The following RALGAPA1 variants were observed in gnomAD, a reference collection of about 807,000 sequenced individuals.
RALGAPA1 encodes Ral GTPase activating protein catalytic subunit alpha 1, also known as ral GTPase-activating protein subunit alpha-1.
Under a neutral mutation model 269.6 loss-of-function variants are expected in RALGAPA1, and 52 were observed. The observed-to-expected ratio is 0.19, with a 90% confidence interval of 0.15 to 0.24. The LOEUF (loss-of-function observed/expected upper bound fraction) is 0.24. Among genes scored for constraint, RALGAPA1 ranks in the 10% least tolerant of loss-of-function variants. The pLI is 1.00. For synonymous variants in RALGAPA1, 817 were observed against 1,008.3 expected (o/e 0.81, Z 3.60); for missense variants, 1,917 against 3,013.9 (o/e 0.64, Z 8.52).
chr14:35,718,829 TA>T (rs927515460), intron 16 of RALGAPA1, among the ~76,000 whole-genome samples: 9 of 147,374 alleles, frequency 6.1e-5, no homozygotes, highest in Non-Finnish European at 5.9e-5. Flanking sequence ...TAAATAACTA[TA>T]AAAAAATGGA....
At chr14:35,651,349 T>G (rs996356240) in intron 31 of RALGAPA1, among the ~76,000 whole-genome samples, 14 of 152,320 alleles carry the variant, frequency 9.2e-5, no homozygotes, top group African/African-American at 3.4e-4. Flanking sequence ...AGAACCCTCA[T>G]AATGAATTTA....
chr14:35,548,398 G>A, intron 41 of RALGAPA1, 110 bp downstream of exon 41: 2 of 681,804 alleles, frequency 2.9e-6, no homozygotes, highest in Non-Finnish European at 4.7e-6. Flanking sequence ...GTATGAACCG[G>A]ACAGTGTTAA....
intron 1 of RALGAPA1, among the ~76,000 whole-genome samples, chr14:35,784,160 T>G (rs2075645497): frequency 6.6e-6 from 1 of 151,476 alleles, no homozygotes; most frequent in Admixed American, 6.6e-5. Flanking sequence ...AGAAAATGTA[T>G]GCCCACACAA....
At chr14:35,611,367 T>A (rs542896908) in intron 35 of RALGAPA1, among the ~76,000 whole-genome samples, 1 of 152,212 alleles carries the variant, frequency 6.6e-6, no homozygotes, top group East Asian at 1.9e-4. Flanking sequence ...CTGGGTGTGG[T>A]TGCGTGCGCT....
intron 36 of RALGAPA1, among the ~76,000 whole-genome samples, chr14:35,603,890 C>A (rs768587954): frequency 6.6e-6 from 1 of 151,786 alleles, no homozygotes; most frequent in Non-Finnish European, 1.5e-5. Flanking sequence ...CTAATGAATA[C>A]GAAACATATA....
intron 1 of RALGAPA1, among the ~76,000 whole-genome samples, chr14:35,776,424 T>C (rs1027589193): frequency 3.3e-5 from 5 of 151,764 alleles, no homozygotes; most frequent in Non-Finnish European, 1.5e-5. Flanking sequence ...GTCTGAAATA[T>C]ATTTATTCTG....
intron 21 of RALGAPA1, among the ~76,000 whole-genome samples, chr14:35,679,243 T>A (rs967524780): frequency 5.3e-5 from 8 of 152,192 alleles, no homozygotes; most frequent in Non-Finnish European, 8.8e-5. Flanking sequence ...CAGAAAAATA[T>A]CAATATTCTG....
intron 39 of RALGAPA1, among the ~76,000 whole-genome samples, chr14:35,562,882 G>A (rs929098339): frequency 4.6e-5 from 7 of 151,708 alleles, no homozygotes; most frequent in African/African-American, 1.2e-4. Context: ...TTAGCTGGGC[G>A]TGGTGGCATG....
At chr14:35,539,742 G>A in intron 41 of RALGAPA1, 52 bp from the exon 42 acceptor site, 4 of 1,596,302 alleles carry the variant, frequency 2.5e-6, no homozygotes, top group Non-Finnish European at 3.4e-6. Flanking sequence ...CTCATCCCCT[G>A]AGAAATAATC....
At chr14:35,765,053 T>C (rs2074034376) in intron 4 of RALGAPA1, among the ~76,000 whole-genome samples, 1 of 152,166 alleles carries the variant, frequency 6.6e-6, no homozygotes, top group Admixed American at 6.5e-5. Context: ...TTTTCACAAA[T>C]GGAAAACCAA....
intron 16 of RALGAPA1, among the ~76,000 whole-genome samples, chr14:35,716,869 G>T (rs1377560195): frequency 1.3e-5 from 2 of 152,052 alleles, no homozygotes; most frequent in Non-Finnish European, 2.9e-5. Flanking sequence ...TAGAAGTTAG[G>T]TATATAGGCT....
chr14:35,601,514 T>A (rs1283262366), intron 36 of RALGAPA1, among the ~76,000 whole-genome samples: 1 of 152,192 alleles, frequency 6.6e-6, no homozygotes, highest in Non-Finnish European at 1.5e-5. Context: ...GCAGTTATTA[T>A]CTAAATGTTT....
At chr14:35,633,022 G>C (rs543347833) in intron 33 of RALGAPA1, among the ~76,000 whole-genome samples, 106 of 152,302 alleles carry the variant, frequency 7.0e-4, no homozygotes, top group South Asian at 2.1e-3. Context: ...TACGTTTAGA[G>C]AAGGGTACTG....
chr14:35,612,768 G>A (rs1179681934), intron 35 of RALGAPA1, among the ~76,000 whole-genome samples: 2 of 152,142 alleles, frequency 1.3e-5, no homozygotes, highest in East Asian at 3.9e-4. Flanking sequence ...TCGATCTCCT[G>A]ACCTCGTGAT....
rs1315537379 is a variant in RALGAPA1, at chr14:35,673,151, ACTAAAATT to A, written c.4918-137_4918-130del. 28 of 1,023,490 alleles carry A rather than the reference ACTAAAATT, an allele frequency of 2.7e-5. No homozygotes were observed. In the Admixed American group the frequency reaches 1.2e-3, roughly 44 times the overall value. The allele number at this position is 1,023,490 out of a possible 1,614,324, so 63.4% of individuals were successfully genotyped here. ...CATGTTGGCCCAATTTCTTTAATGA[ACTAAAATT>A]CAGGATTAGTGAAATTATCATCATC... is the stretch of plus-strand genomic sequence containing the variant. On this transcript the variant is annotated intron_variant, in intron 24 of 41. Transcript: ENST00000680220.
chr14:35,706,375 G>C (rs1413133422), intron 16 of RALGAPA1, among the ~76,000 whole-genome samples: 2 of 152,132 alleles, frequency 1.3e-5, no homozygotes, highest in Non-Finnish European at 2.9e-5. Flanking sequence ...ACAGCACCAT[G>C]TTGAAAAGAC....
At chr14:35,644,390 C>A (rs76071183) in intron 31 of RALGAPA1, among the ~76,000 whole-genome samples, 10,525 of 152,064 alleles carry the variant, frequency 0.069, 560 homozygotes, top group African/African-American at 0.15. Flanking sequence ...AAAATTAAAA[C>A]AACAGAGATG....
rs2065801937 is a variant in RALGAPA1 at position 35,685,118 on chromosome 14, C to T, written c.4105G>A (p.Gly1369Ser). 6.4e-7 allele frequency: 1 copy of T among 1,565,952 alleles called. No homozygotes were observed. The highest frequency in any genetic ancestry group is 1.2e-5 in the South Asian group (1 of 85,348). ...STMTRRGSSP[G>S]SLEIPKDLPD... ...AGGTCTTTGGGAATTTCCAGGCTGC[C>T]TGGACTACTTCCTCTTCTTGTCATA... The change falls in exon 20 of 42, where the codon GGC becomes AGC. Residue 1369 changes from glycine (G) to serine (S), a missense_variant. Transcript: ENST00000680220.
At chr14:35,584,560 C>T (rs929980488) in intron 37 of RALGAPA1, among the ~76,000 whole-genome samples, 12 of 152,124 alleles carry the variant, frequency 7.9e-5, no homozygotes, top group East Asian at 7.7e-4. Context: ...CCACTGCACC[C>T]GGTTGGTATA....
Sources: allele counts gnomAD v4.1 joint callset (sites outside exome capture counted in the v4.1 genomes callset), GRCh38; gene constraint gnomAD v4.1.1; transcripts MANE v1.5; gene names NCBI Gene and HGNC (gene_info 2026-07-23, HGNC 2026-07-21).